The following BCAS3 variants were observed in gnomAD, a reference collection of about 807,000 sequenced individuals.
BCAS3 encodes the protein BCAS4/BCAS3 fusion.
BCAS3 carries 53 observed loss-of-function variants against 116.1 expected under a neutral mutation model. The observed-to-expected ratio is 0.46, with a 90% CI of 0.37 to 0.57. BCAS3 has a LOEUF of 0.57. BCAS3 is among the 20% of genes least tolerant of loss of function. BCAS3 has a pLI of 0.00. For missense variants in BCAS3, 917 were observed against 1,165.4 expected, an observed-to-expected ratio of 0.79 and a Z score of 3.10; for synonymous variants, 391 against 408.2, an observed-to-expected ratio of 0.96 and a Z score of 0.51.
At chr17:61,384,542 G>A (rs1389910465) in intron 23 of BCAS3, 4 of 152,132 alleles carry the variant, frequency 2.6e-5, no homozygotes, top group Admixed American at 6.5e-5. Flanking sequence ...GTGAAGTCTC[G>A]GCCTCCTCGC....
At chr17:61,372,592 T>C (rs1413149141) in intron 23 of BCAS3, among the ~76,000 whole-genome samples, 1 of 152,164 alleles carries the variant, frequency 6.6e-6, no homozygotes, top group Non-Finnish European at 1.5e-5. Context: ...CCAAAGCCCT[T>C]TGAGACCAGC....
intron 22 of BCAS3, among the ~76,000 whole-genome samples, chr17:61,101,351 G>C (rs192210868): frequency 2.0e-5 from 3 of 152,186 alleles, no homozygotes; most frequent in African/African-American, 7.2e-5. Context: ...AATCGTGATA[G>C]GCCAAGGTCA....
chr17:61,372,578 G>A (rs1301851668), intron 23 of BCAS3, among the ~76,000 whole-genome samples: 1 of 151,944 alleles, frequency 6.6e-6, no homozygotes, highest in Non-Finnish European at 1.5e-5. Flanking sequence ...CCCCATCCCG[G>A]TGTCCAAAGC....
At chr17:61,044,498 T>C (rs1460431590) in intron 19 of BCAS3, among the ~76,000 whole-genome samples, 1 of 148,392 alleles carries the variant, frequency 6.7e-6, no homozygotes, top group Non-Finnish European at 1.5e-5. Flanking sequence ...AACTTAACTC[T>C]TGTTTATATC....
intron 7 of BCAS3, chr17:60,821,702 T>G (rs1598946637): frequency 1.3e-5 from 2 of 152,262 alleles, no homozygotes. Context: ...AGTTTTTTTT[T>G]TGTGACAGAG....
chr17:60,707,128 A>T (rs2037262258), intron 4 of BCAS3, among the ~76,000 whole-genome samples: 1 of 151,808 alleles, frequency 6.6e-6, no homozygotes, highest in Non-Finnish European at 1.5e-5. Flanking sequence ...TGTAGCTGGG[A>T]TTACAGGCAT....
intron 7 of BCAS3, among the ~76,000 whole-genome samples, chr17:60,815,282 C>T (rs886669001): frequency 5.9e-5 from 9 of 151,798 alleles, no homozygotes; most frequent in African/African-American, 2.2e-4. Flanking sequence ...CATCACACAC[C>T]GGGGCCTGTC....
chr17:60,731,528 G>T (rs1000884923), intron 5 of BCAS3, among the ~76,000 whole-genome samples: 1 of 152,078 alleles, frequency 6.6e-6, no homozygotes, highest in Non-Finnish European at 1.5e-5. Context: ...AATGGGTTAC[G>T]TGAGGTGTTT....
Position 60,995,359 on chromosome 17 carries a change from G to T in BCAS3, c.1486+5124G>T, listed in dbSNP as rs985928413. On this transcript the variant is annotated intron_variant, in intron 15 of 23. Coordinates refer to ENST00000407086, the MANE Select transcript of BCAS3 (RefSeq NM_017679.5). The surrounding 1 kb of genome is among the most constrained non-coding windows in gnomAD (Gnocchi z 4.7). ...GTGGAGACAAGGTTTCACTCTGTTG[G>T]CCAGGCTGGTCTTGAACTCCTGACC... Among the ~76,000 whole-genome samples, 1 of 152,086 alleles carries T rather than the reference G, an allele frequency of 6.6e-6. No individual in the cohort carries two copies. The highest frequency in any genetic ancestry group is 1.5e-5 in the Non-Finnish European group (1 of 68,010).
intron 6 of BCAS3, among the ~76,000 whole-genome samples, chr17:60,750,187 A>G (rs912076594): frequency 2.6e-5 from 4 of 152,068 alleles, no homozygotes; most frequent in African/African-American, 9.7e-5. Flanking sequence ...AAGAAAATTA[A>G]TCCATGTAAT....
At position 61,029,178 on chromosome 17, in the gene BCAS3, C is replaced by T. The variant is rs753604158; in HGVS notation, c.1638-5488C>T. Among the ~76,000 whole-genome samples the T allele has an allele frequency of 7.2e-5, 11 of 151,838 alleles. No individual in the cohort carries two copies. Among genetic ancestry groups the T allele is most frequent in the Admixed American group, 2.0e-4 (3 of 15,230 alleles). ...AAATGAAATGTAAATTTTCTACAAA[C>T]TTTTTATTAGTTTCGAGTTGCAACG... On this transcript the variant is annotated intron_variant, in intron 16 of 23. Transcript: ENST00000407086. This position sits in a 1 kb window ranked among gnomAD's most constrained non-coding sequence, Gnocchi z 5.2.
intron 22 of BCAS3, among the ~76,000 whole-genome samples, chr17:61,272,351 C>T (rs2050355511): frequency 6.6e-6 from 1 of 151,860 alleles, no homozygotes. Flanking sequence ...TGTAATTTTG[C>T]CCAGGGCACA....
intron 7 of BCAS3, among the ~76,000 whole-genome samples, chr17:60,862,300 A>AC (rs2054224641): frequency 6.6e-6 from 1 of 152,056 alleles, no homozygotes; most frequent in Admixed American, 6.6e-5. Flanking sequence ...AAACAAACAA[A>AC]AAACAGAATG....
chr17:61,182,425 C>T (rs758183440), intron 22 of BCAS3, among the ~76,000 whole-genome samples: 4 of 152,122 alleles, frequency 2.6e-5, no homozygotes, highest in Non-Finnish European at 5.9e-5. Context: ...CACCCATCTT[C>T]AATAATTATC....
chr17:61,345,942 A>G (rs907377037), intron 22 of BCAS3, among the ~76,000 whole-genome samples: 1 of 152,218 alleles, frequency 6.6e-6, no homozygotes, highest in Non-Finnish European at 1.5e-5. Context: ...AGAAGGGCCA[A>G]TTGTAGACGA....
chr17:61,192,937 T>C (rs1035650014), intron 22 of BCAS3, among the ~76,000 whole-genome samples: 1 of 152,240 alleles, frequency 6.6e-6, no homozygotes, highest in Non-Finnish European at 1.5e-5. Flanking sequence ...ATTGAGATAC[T>C]GAGTAGCCCA....
At chr17:60,909,483 T>C (rs2058373546) in intron 11 of BCAS3, among the ~76,000 whole-genome samples, 1 of 152,168 alleles carries the variant, frequency 6.6e-6, no homozygotes, top group African/African-American at 2.4e-5. Flanking sequence ...AATGAAACTT[T>C]TTTTCTTACA....
chr17:60,856,956 T>C (rs2053734041), intron 7 of BCAS3, among the ~76,000 whole-genome samples: 1 of 152,206 alleles, frequency 6.6e-6, no homozygotes, highest in Non-Finnish European at 1.5e-5. Flanking sequence ...GCTGTTGTAA[T>C]ATATAAAAAT....
rs1263578944 is a variant in BCAS3 at position 61,122,939 on chromosome 17, A to G, written c.2425+38375A>G. ...TGTGAAAGATTCCACATTATGGGTA[A>G]GTCTTTTTTTTTTTTTTTTGAGATG... On this transcript the variant is annotated intron_variant, in intron 22 of 23. Transcript: ENST00000407086. This position sits in a 1 kb window ranked among gnomAD's most constrained non-coding sequence, Gnocchi z 4.6. 6.6e-6 allele frequency among the ~76,000 whole-genome samples: 1 copy of G among 150,994 alleles called. No homozygotes were observed. Among genetic ancestry groups the G allele is most frequent in the African/African-American group, 2.4e-5 (1 of 41,026 alleles).
Sources: gnomAD v4.1 joint callset for allele counts (sites outside exome capture counted in the v4.1 genomes callset) on GRCh38, gnomAD v4.1.1 for gene constraint, Gnocchi (gnomAD v3.1) non-coding constraint, MANE v1.5 for transcripts, NCBI Gene and HGNC (gene_info 2026-07-23, HGNC 2026-07-21) for gene names.